LRMDA: variants seen among roughly 807,000 people sequenced by gnomAD.
LRMDA encodes the protein leucine-rich melanocyte differentiation-associated protein.
In LRMDA, 18 loss-of-function variants were observed where a neutral mutation model predicts 29.8. The observed-to-expected ratio is 0.60, with a 90% CI of 0.42 to 0.90. The LOEUF (loss-of-function observed/expected upper bound fraction) is 0.90, where lower values mean the gene tolerates loss of function less well. Ranked by LOEUF, LRMDA falls within the 40% of genes least tolerant of loss-of-function variation. LRMDA has a pLI of 0.00. For missense variants in LRMDA, 273 were observed against 273.9 expected (o/e 1.00, Z 0.02); for synonymous variants, 125 against 109.4 (o/e 1.14, Z -0.89).
At chr10:75,984,671 C>G (rs1232875843) in intron 2 of LRMDA, among the ~76,000 whole-genome samples, 1 of 152,250 alleles carries the variant, frequency 6.6e-6, no homozygotes, top group Non-Finnish European at 1.5e-5. Flanking sequence ...GCTCACGTGG[C>G]ATGCCAACCA....
At chr10:75,762,046 C>G (rs772795464) in intron 2 of LRMDA, among the ~76,000 whole-genome samples, 2 of 152,142 alleles carry the variant, frequency 1.3e-5, no homozygotes, top group Non-Finnish European at 2.9e-5. Context: ...CTCCTAAGCT[C>G]AAATGATCTT....
chr10:75,797,249 A>G lies in LRMDA; in HGVS notation c.132-238759A>G, dbSNP rs1843668852. 1.3e-5 allele frequency among the ~76,000 whole-genome samples: 2 copies of G among 152,168 alleles called. 1 individual carries two copies. The highest frequency in any genetic ancestry group is 4.1e-4 in the South Asian group (2 of 4,836). The stretch of plus-strand genomic sequence containing the variant: ...CCTAAATTTTTGAATTTATTCGCAT[A>G]GAATTATTTATAGTGTTACCATATT... On this transcript the variant is annotated intron_variant, in intron 2 of 6. Coordinates refer to ENST00000611255, the MANE Select transcript of LRMDA (RefSeq NM_001305581.2).
At chr10:75,493,348 G>GGTGTGTGT (rs3220724) in intron 2 of LRMDA, among the ~76,000 whole-genome samples, 9,336 of 133,254 alleles carry the variant, frequency 0.07, 475 homozygotes, top group African/African-American at 0.12. Flanking sequence ...GTTGAGATTG[G>GGTGTGTGT]GTGTGTGTGT....
intron 5 of LRMDA, among the ~76,000 whole-genome samples, chr10:76,109,202 G>C (rs1429346498): frequency 2.0e-5 from 3 of 152,108 alleles, no homozygotes; most frequent in Non-Finnish European, 4.4e-5. Context: ...CTTCCAAAGT[G>C]GTGAGCACTT....
At chr10:75,870,670 T>C (rs1845094060) in intron 2 of LRMDA, among the ~76,000 whole-genome samples, 1 of 152,242 alleles carries the variant, frequency 6.6e-6, no homozygotes, top group African/African-American at 2.4e-5. Context: ...TTCTCTGTTC[T>C]GTCTGCTTAG....
intron 6 of LRMDA, among the ~76,000 whole-genome samples, chr10:76,416,925 A>G (rs1196456571): frequency 2.0e-5 from 3 of 152,150 alleles, no homozygotes; most frequent in Non-Finnish European, 2.9e-5. Flanking sequence ...ACTGTTATGG[A>G]TGTATAAGCA....
At chr10:75,924,769 G>A (rs138497267) in intron 2 of LRMDA, among the ~76,000 whole-genome samples, 98 of 152,242 alleles carry the variant, frequency 6.4e-4, no homozygotes, top group African/African-American at 2.3e-3. Context: ...GCAGCGCGGA[G>A]AGCACAGGCA....
chr10:75,918,057 A>G (rs1375220731), intron 2 of LRMDA, among the ~76,000 whole-genome samples: 1 of 152,178 alleles, frequency 6.6e-6, no homozygotes, highest in Non-Finnish European at 1.5e-5. Flanking sequence ...AAGCAGGACT[A>G]TGAGAATCAT....
intron 6 of LRMDA, among the ~76,000 whole-genome samples, chr10:76,436,158 C>T (rs1033575652): frequency 6.6e-6 from 1 of 152,162 alleles, no homozygotes; most frequent in Non-Finnish European, 1.5e-5. Context: ...CTGATGTTCT[C>T]ATGTGAGAAG....
chr10:75,691,106 AGATCTATATATC>A (rs1842144074), intron 2 of LRMDA, among the ~76,000 whole-genome samples: 2 of 83,422 alleles, frequency 2.4e-5, no homozygotes, highest in African/African-American at 1.6e-4. Context: ...ATAGATATAT[AGATCTATATATC>A]TATATACATA....
intron 5 of LRMDA, among the ~76,000 whole-genome samples, chr10:76,283,565 TATA>T (rs1840233500): frequency 6.6e-6 from 1 of 152,144 alleles, no homozygotes; most frequent in Non-Finnish European, 1.5e-5. Context: ...ATTGAATAAT[TATA>T]ATAATAACAT....
At chr10:75,826,870 G>A (rs1468312630) in intron 2 of LRMDA, among the ~76,000 whole-genome samples, 1 of 152,038 alleles carries the variant, frequency 6.6e-6, no homozygotes, top group Admixed American at 6.6e-5. Context: ...TATTAATTCT[G>A]TTTCATTTGT....
chr10:75,722,173 A>G (rs1330481672), intron 2 of LRMDA, among the ~76,000 whole-genome samples: 3 of 152,122 alleles, frequency 2.0e-5, no homozygotes, highest in African/African-American at 7.2e-5. Context: ...CAATGCCACT[A>G]ATCCATCCTA....
chr10:76,306,654 A>T (rs985817818), intron 5 of LRMDA, among the ~76,000 whole-genome samples: 1 of 152,230 alleles, frequency 6.6e-6, no homozygotes, highest in Non-Finnish European at 1.5e-5. Context: ...GGGCCGAGTG[A>T]TAGAGTAATG....
intron 2 of LRMDA, among the ~76,000 whole-genome samples, chr10:75,658,301 A>C (rs1220023581): frequency 6.6e-6 from 1 of 151,770 alleles, no homozygotes; most frequent in East Asian, 1.9e-4. Flanking sequence ...AAATGAAAAA[A>C]AAAAAAAAAA....
intron 5 of LRMDA, among the ~76,000 whole-genome samples, chr10:76,280,312 T>C (rs1782184072): frequency 6.6e-6 from 1 of 152,120 alleles, no homozygotes; most frequent in African/African-American, 2.4e-5. Context: ...TGATTCTCTT[T>C]TTGCCATCTT....
intron 2 of LRMDA, among the ~76,000 whole-genome samples, chr10:75,712,975 GTAA>G (rs1380271647): frequency 6.6e-6 from 1 of 152,168 alleles, no homozygotes; most frequent in Admixed American, 6.5e-5. Flanking sequence ...GGTATAGCAA[GTAA>G]TAATATTTAC....
At chr10:76,133,267 CGTGT>C (rs3042574) in intron 5 of LRMDA, among the ~76,000 whole-genome samples, 140 of 150,802 alleles carry the variant, frequency 9.3e-4, no homozygotes, top group Non-Finnish European at 1.5e-3. Context: ...ATATTTATTT[CGTGT>C]GTGTGTGTGT....
intron 5 of LRMDA, among the ~76,000 whole-genome samples, chr10:76,188,202 T>G (rs1260505444): frequency 6.6e-6 from 1 of 152,240 alleles, no homozygotes; most frequent in African/African-American, 2.4e-5. Flanking sequence ...CCATTGATTC[T>G]CATATTTGGT....
Sources: gnomAD v4.1 joint callset for allele counts (sites outside exome capture counted in the v4.1 genomes callset) on GRCh38, gnomAD v4.1.1 for gene constraint, MANE v1.5 for transcripts, NCBI Gene and HGNC (gene_info 2026-07-23, HGNC 2026-07-21) for gene names.